Variants in TRMT9B observed in about 807,000 individuals in gnomAD.
TRMT9B encodes the protein probable tRNA methyltransferase 9B.
A neutral mutation model predicts 11.5 loss-of-function variants in TRMT9B; 16 were observed. That is an observed-to-expected ratio of 1.39 (90% CI 0.94 to 2.11). The LOEUF (loss-of-function observed/expected upper bound fraction) is 2.11, where lower values mean the gene tolerates loss of function less well. TRMT9B is among the 30% of genes most tolerant of loss of function. TRMT9B has a pLI of 0.00. For missense variants in TRMT9B, 941 were observed against 553.8 expected (o/e 1.70, Z -7.02); for synonymous variants, 274 against 192.4 (o/e 1.42, Z -3.51).
rs763709469 is a variant in TRMT9B at position 12,968,654 on chromosome 8, G to C, written c.-199-22180G>C. Among the ~76,000 whole-genome samples, 76 of 152,318 alleles carry C rather than the reference G, an allele frequency of 5.0e-4. No individual in the cohort carries two copies. The Middle Eastern group carries it at 0.01, about 20-fold the overall frequency. On this transcript the variant is annotated intron_variant, in intron 1 of 4. Transcript: ENST00000524591. ...CAACTCCCTACTCTGGGAGGAGTCA[G>C]TCCTCAGGGTGGGAGGGACAGCCTG...
At chr8:12,985,252 C>T (rs139843281) in intron 1 of TRMT9B, among the ~76,000 whole-genome samples, 8 of 152,088 alleles carry the variant, frequency 5.3e-5, no homozygotes, top group Admixed American at 1.3e-4. Flanking sequence ...CGTATTCTCC[C>T]GGTGCAACAT....
At chr8:13,006,080 G>A (rs1810400262) in intron 2 of TRMT9B, 122 bp from the exon 3 acceptor site, 3 of 847,316 alleles carry the variant, frequency 3.5e-6, no homozygotes, top group African/African-American at 1.7e-5. Context: ...TTATAAGAAA[G>A]TGTGCAAACA....
chr8:12,950,852 T>C (rs953749397), intron 1 of TRMT9B, among the ~76,000 whole-genome samples: 7 of 152,274 alleles, frequency 4.6e-5, no homozygotes, highest in African/African-American at 1.7e-4. Context: ...ATAAATAACC[T>C]GAACTGGAAA....
intron 1 of TRMT9B, among the ~76,000 whole-genome samples, chr8:12,985,839 A>T (rs969386495): frequency 6.6e-6 from 1 of 151,898 alleles, no homozygotes; most frequent in Non-Finnish European, 1.5e-5. Context: ...CTAATGGGCT[A>T]TGTACTAGAT....
At chr8:12,951,258 T>A (rs1325964706) in intron 1 of TRMT9B, 1 of 152,212 alleles carries the variant, frequency 6.6e-6, no homozygotes, top group African/African-American at 2.4e-5. Context: ...GCACCCTACT[T>A]AACCCCCCCA....
Position 13,021,704 on chromosome 8 carries a change from G to A in TRMT9B, c.1025G>A (p.Arg342Lys). 1 of 1,613,954 alleles carries A rather than the reference G, an allele frequency of 6.2e-7. No individual in the cohort carries two copies. Residue 342 changes from arginine to lysine, a missense_variant, in exon 5 of 5, where the codon AGG becomes AAG. Transcript: ENST00000524591. ...AATGGAGACCATCAAGGGGAAATGA[G>A]GAGAAATGGAGGGGGAAATTTTCTG... Reference protein sequence around the residue: ...HLNGDHQGEMRRNGGGNFLDS... With the variant: ...HLNGDHQGEMKRNGGGNFLDS...
At chr8:12,966,753 T>G (rs1004287692) in intron 1 of TRMT9B, among the ~76,000 whole-genome samples, 1 of 152,144 alleles carries the variant, frequency 6.6e-6, no homozygotes, top group Admixed American at 6.5e-5. Flanking sequence ...GCACCCTCAT[T>G]TCTAGCGCAT....
Position 13,028,591 on chromosome 8 carries a change from T to TC in TRMT9B, c.*6547_*6548insC. 6.7e-6 allele frequency: 1 copy of TC among 149,696 alleles called. No individual in the cohort carries two copies. Among genetic ancestry groups the TC allele is most frequent in the Non-Finnish European group, 1.5e-5 (1 of 67,062 alleles). The allele number at this position is 149,696 out of a possible 1,614,324, so 9.3% of individuals were successfully genotyped here. On this transcript the variant is annotated 3_prime_UTR_variant, in exon 5 of 5. Coordinates refer to ENST00000524591, the MANE Select transcript of TRMT9B (RefSeq NM_020844.3). ...TTTCTTTTCTTTTTTTTTTTTTTTT[T>TC]TTGAGACAGTGTCTCACTCTGTCAC...
chr8:12,999,962 C>T (rs959335309), intron 2 of TRMT9B, among the ~76,000 whole-genome samples: 1 of 152,136 alleles, frequency 6.6e-6, no homozygotes, highest in African/African-American at 2.4e-5. Flanking sequence ...TATATGGTAA[C>T]AAGTTGTCAT....
At chr8:12,975,345 G>T (rs1804277951) in intron 1 of TRMT9B, among the ~76,000 whole-genome samples, 1 of 152,024 alleles carries the variant, frequency 6.6e-6, no homozygotes, top group Admixed American at 6.5e-5. Context: ...TCATGTAATT[G>T]TTGAACATAT....
chr8:12,995,516 A>T lies in TRMT9B; in HGVS notation c.-2+4485A>T, dbSNP rs185085488. 3.8e-3 allele frequency among the ~76,000 whole-genome samples: 574 copies of T among 152,250 alleles called. 5 individuals are homozygous for T. Among genetic ancestry groups the T allele is most frequent in the African/African-American group, 0.013 (527 of 41,544 alleles). The stretch of plus-strand genomic sequence containing the variant: ...TGCACTAACATATATGAACCGCATG[A>T]TAATCACTCAATACATATATTAATT... On this transcript the variant is annotated intron_variant, in intron 2 of 4. Coordinates refer to ENST00000524591, the MANE Select transcript of TRMT9B (RefSeq NM_020844.3).
At chr8:12,990,180 G>C (rs575630355) in intron 1 of TRMT9B, among the ~76,000 whole-genome samples, 1 of 152,204 alleles carries the variant, frequency 6.6e-6, no homozygotes, top group African/African-American at 2.4e-5. Context: ...CTGGGACTTA[G>C]ATTATGGTCC....
chr8:12,964,691 T>C (rs1200872658), intron 1 of TRMT9B, among the ~76,000 whole-genome samples: 1 of 152,134 alleles, frequency 6.6e-6, no homozygotes, highest in Non-Finnish European at 1.5e-5. Context: ...CTTCCCTCCT[T>C]ATCCTCCTGA....
At chr8:12,991,056 A>C (rs1047037070) in intron 2 of TRMT9B, 25 bp downstream of exon 2, 1 of 1,147,830 alleles carries the variant, frequency 8.7e-7, no homozygotes, top group African/African-American at 1.6e-5. Context: ...GCGCTTCTGC[A>C]ACTCACATAC....
intron 1 of TRMT9B, among the ~76,000 whole-genome samples, chr8:12,978,518 T>C (rs1224738756): frequency 4.8e-5 from 2 of 41,808 alleles, no homozygotes; most frequent in African/African-American, 1.1e-4. Flanking sequence ...GATAGATAGA[T>C]GATAGATAGA....
At chr8:12,980,758 G>T (rs555669006) in intron 1 of TRMT9B, among the ~76,000 whole-genome samples, 2 of 152,168 alleles carry the variant, frequency 1.3e-5, no homozygotes, top group African/African-American at 4.8e-5. Context: ...GTGTTAGGTG[G>T]TGTAGAGGAG....
chr8:12,988,723 A>T (rs1214513811), intron 1 of TRMT9B, among the ~76,000 whole-genome samples: 1 of 152,206 alleles, frequency 6.6e-6, no homozygotes, highest in South Asian at 2.1e-4. Context: ...TCCCTCCCAC[A>T]ATACATGGGG....
In TRMT9B at chr8:13,022,688, G is replaced by A. The variant is rs1814153696; in HGVS notation, c.*644G>A. ...TAATAAGGTTTTCAATGTAGCCCAGGAGGTTTTTAAAGGCACTGTTAGGCT... is the reference window on the plus strand; with the variant it reads ...TAATAAGGTTTTCAATGTAGCCCAGAAGGTTTTTAAAGGCACTGTTAGGCT... On this transcript the variant is annotated 3_prime_UTR_variant, in exon 5 of 5. Transcript: ENST00000524591. The A allele has an allele frequency of 6.0e-6, 1 of 167,102 alleles. No individual in the cohort carries two copies. Among genetic ancestry groups the A allele is most frequent in the Admixed American group, 6.5e-5 (1 of 15,284 alleles). 10.4% of individuals were successfully genotyped at this position (167,102 alleles called of 1,614,324 possible).
rs774403434 is a variant in TRMT9B, at chr8:13,021,653, G to T, written c.974G>T (p.Arg325Ile). The T allele has an allele frequency of 6.2e-7, 1 of 1,613,714 alleles. No individual in the cohort carries two copies. The highest frequency in any genetic ancestry group is 8.5e-7 in the Non-Finnish European group (1 of 1,179,802). The change falls in exon 5 of 5, where the codon AGA (arginine) becomes ATA (isoleucine). Residue 325 changes from arginine to isoleucine, a missense_variant. Transcript: ENST00000524591. ...SSSGKHLEWLRAPGTLKHLNG... is the reference protein window; with the variant it reads ...SSSGKHLEWLIAPGTLKHLNG... Reference sequence around the variant, plus strand: ...TCTGGAAAACACTTGGAGTGGCTGAGAGCACCAGGCACTCTGAAACATTTA... The same window carrying T: ...TCTGGAAAACACTTGGAGTGGCTGATAGCACCAGGCACTCTGAAACATTTA...
Sources: gnomAD v4.1 joint callset for allele counts (sites outside exome capture counted in the v4.1 genomes callset) on GRCh38, gnomAD v4.1.1 for gene constraint, MANE v1.5 for transcripts, NCBI Gene and HGNC (gene_info 2026-07-23, HGNC 2026-07-21) for gene names.